NFKB2: variants seen among roughly 807,000 people sequenced by gnomAD.
The protein encoded by NFKB2 is nuclear factor NF-kappa-B p100 subunit.
In NFKB2, 21 loss-of-function variants were observed where a neutral mutation model predicts 109.3. The observed-to-expected ratio is 0.19, with a 90% confidence interval of 0.14 to 0.28. The LOEUF (loss-of-function observed/expected upper bound fraction) is 0.28. NFKB2 is among the 10% of genes least tolerant of loss of function. The probability of loss-of-function intolerance (pLI) is 1.00; values close to 1 mark genes in which losing one functional copy is unlikely to be tolerated. For synonymous variants in NFKB2, 478 were observed against 489.9 expected (o/e 0.98, Z 0.32); for missense variants, 806 against 1,185.3 (o/e 0.68, Z 4.70).
In NFKB2 at chr10:102,400,613, C is replaced by T. The variant is rs1447761077; in HGVS notation, c.1799-42C>T. ...TGGTCAGGGCTGGTCCAGGGGCTGC[C>T]TTAAGGGTCACAGCTGCAGGTTGAG... On this transcript the variant is annotated intron_variant, in intron 16 of 22. Coordinates refer to ENST00000661543, the MANE Select transcript of NFKB2 (RefSeq NM_001322934.2). This position sits in a 1 kb window ranked among gnomAD's most constrained non-coding sequence, Gnocchi z 6.3. 1.9e-6 allele frequency: 3 copies of T among 1,608,982 alleles called. No individual in the cohort carries two copies. The highest frequency in any genetic ancestry group is 1.7e-6 in the Non-Finnish European group (2 of 1,176,698).
rs1162745087 is a variant in NFKB2, at chr10:102,397,082, A to T, written c.395+27A>T. 5 of 1,598,706 alleles carry T rather than the reference A, an allele frequency of 3.1e-6. No homozygotes were observed. The highest frequency in any genetic ancestry group is 1.8e-4 in the Middle Eastern group (1 of 5,410). On this transcript the variant is annotated intron_variant, in intron 6 of 22. Transcript: ENST00000661543. The surrounding 1 kb of genome is among the most constrained non-coding windows in gnomAD (Gnocchi z 4.7). The stretch of plus-strand genomic sequence containing the variant: ...TAGGTGCCCTCTACGCCTGGCCCCC[A>T]CTGGTATGCCCGTCTGCCAGTCCCA...
In NFKB2 at chr10:102,397,535, C is replaced by G; in HGVS notation, c.511C>G (p.Gln171Glu). Residue 171 changes from glutamine (Q) to glutamate (E), a missense_variant, in exon 8 of 23, where the codon CAG (glutamine) becomes GAG (glutamate). Around this residue, in one of 10 missense-constraint regions of NFKB2, gnomAD observed 62 missense variants for 102.2 expected, o/e 0.61. Coordinates refer to ENST00000661543, the MANE Select transcript of NFKB2 (RefSeq NM_001322934.2). This position sits in a 1 kb window ranked among gnomAD's most constrained non-coding sequence, Gnocchi z 4.7. ...ATGTACCTACTGCCCAGAGGCCGAGCAGCGGGAGCTGGAGCAAGAGGCCAA... is the reference window on the plus strand; with the variant it reads ...ATGTACCTACTGCCCAGAGGCCGAGGAGCGGGAGCTGGAGCAAGAGGCCAA... ...SRPQGLTEAE[Q>E]RELEQEAKEL... The G allele has an allele frequency of 6.2e-7, 1 of 1,612,856 alleles. No homozygotes were observed. Among genetic ancestry groups the G allele is most frequent in the Non-Finnish European group, 8.5e-7 (1 of 1,179,110 alleles).
chr10:102,402,512 C>T lies in NFKB2; in HGVS notation c.*136C>T. The T allele has an allele frequency of 1.7e-6, 1 of 586,022 alleles. No homozygotes were observed. Among genetic ancestry groups the T allele is most frequent in the Non-Finnish European group, 2.9e-6 (1 of 339,040 alleles). The allele number at this position is 586,022 out of a possible 1,614,324, so 36.3% of individuals were successfully genotyped here. On this transcript the variant is annotated 3_prime_UTR_variant, in exon 23 of 23. Transcript: ENST00000661543. The stretch of plus-strand genomic sequence containing the variant: ...TTCTCATGGGAAGGGGAGGACCCCT[C>T]CTTCCCAACTTATGGCAGCCCCTGA...
intron 12 of NFKB2, 134 bp from the exon 13 acceptor site, chr10:102,399,154 G>T: frequency 1.1e-6 from 1 of 901,946 alleles, no homozygotes; most frequent in Non-Finnish European, 1.7e-6. Context: ...ACAAGAGGTT[G>T]CAGTAAGCTG....
chr10:102,397,012 G>T lies in NFKB2; in HGVS notation c.352G>T (p.Gly118Trp). 6.2e-7 allele frequency: 1 copy of T among 1,613,634 alleles called. No homozygotes were observed. The highest frequency in any genetic ancestry group is 8.5e-7 in the Non-Finnish European group (1 of 1,179,766). Residue 118 changes from glycine (G) to tryptophan (W), a missense_variant, in exon 6 of 23, where the codon GGG becomes TGG. Physicochemically the swap from Gly to Trp is radical, Grantham distance 184 (BLOSUM62 -2). Coordinates refer to ENST00000661543, the MANE Select transcript of NFKB2 (RefSeq NM_001322934.2). This position sits in a 1 kb window ranked among gnomAD's most constrained non-coding sequence, Gnocchi z 4.7. ...GGTGGGCAAGCAATGCTCGGAGCTG[G>T]GGATCTGCGCCGTTTCTGTGGGGCC... is the stretch of plus-strand genomic sequence containing the variant. ...SLVGKQCSEL[G>W]ICAVSVGPKD...
In NFKB2 at chr10:102,396,207, G is replaced by A. The variant is rs754745715; in HGVS notation, c.22-46G>A. The A allele has an allele frequency of 1.3e-5, 20 of 1,575,398 alleles. No homozygotes were observed. Among genetic ancestry groups the A allele is most frequent in the Non-Finnish European group, 1.7e-5 (19 of 1,150,218 alleles). ...TTGGAGATGGGAGGTGGGGCTGTGGGGGGTGCTGAGAGTCGGATGCCACCC... is the reference window on the plus strand; with the variant it reads ...TTGGAGATGGGAGGTGGGGCTGTGGAGGGTGCTGAGAGTCGGATGCCACCC... On this transcript the variant is annotated intron_variant, in intron 2 of 22. Coordinates refer to ENST00000661543, the MANE Select transcript of NFKB2 (RefSeq NM_001322934.2). This position sits in a 1 kb window ranked among gnomAD's most constrained non-coding sequence, Gnocchi z 5.9.
chr10:102,399,900 A>G, intron 14 of NFKB2, 180 bp from the exon 15 acceptor site: 1 of 1,079,478 alleles, frequency 9.3e-7, no homozygotes, highest in Admixed American at 2.6e-5. Context: ...CAAGGGGTAC[A>G]GTCATAGCAC....
chr10:102,400,550 C>T lies in NFKB2; in HGVS notation c.1798+59C>T. 6.3e-7 allele frequency: 1 copy of T among 1,588,070 alleles called. No individual in the cohort carries two copies. The highest frequency in any genetic ancestry group is 1.1e-5 in the South Asian group (1 of 88,544). On this transcript the variant is annotated intron_variant, in intron 16 of 22. Transcript: ENST00000661543. This position sits in a 1 kb window ranked among gnomAD's most constrained non-coding sequence, Gnocchi z 6.3. Reference sequence around the variant, plus strand: ...GGCGGGGACCAGGGAGGGTATCTGGCCAGTGCCCAGAATGGACTATGAGGT... The same window carrying T: ...GGCGGGGACCAGGGAGGGTATCTGGTCAGTGCCCAGAATGGACTATGAGGT...
Position 102,395,939 on chromosome 10 carries a change from A to G in NFKB2, c.-21A>G, listed in dbSNP as rs1223443575. On this transcript the variant is annotated 5_prime_UTR_variant, in exon 2 of 23. Transcript: ENST00000661543. ...GAACCTGGCCGGAGCCACTAGACAG[A>G]GCCGGGCCTAGCCCAGAGACATGGA... The G allele has an allele frequency of 1.9e-6, 3 of 1,612,340 alleles. No individual in the cohort carries two copies. Among genetic ancestry groups the G allele is most frequent in the East Asian group, 2.2e-5 (1 of 44,838 alleles).
At chr10:102,399,988 G>A in intron 14 of NFKB2, 92 bp from the exon 15 acceptor site, 1 of 1,323,958 alleles carries the variant, frequency 7.6e-7, no homozygotes, top group South Asian at 1.2e-5. Context: ...GGTTCCATGG[G>A]CCCCAGCGAG....
chr10:102,397,423 G>A lies in NFKB2; in HGVS notation c.502+15G>A, dbSNP rs780568824. Reference sequence around the variant, plus strand: ...GGGCCTTACGGGTATGGGTGCAGGGGGTGGGTCGGGTATGGGTGCAGGGGG... The same window carrying A: ...GGGCCTTACGGGTATGGGTGCAGGGAGTGGGTCGGGTATGGGTGCAGGGGG... On this transcript the variant is annotated intron_variant, in intron 7 of 22. Transcript: ENST00000661543. The surrounding 1 kb of genome is among the most constrained non-coding windows in gnomAD (Gnocchi z 4.7). The A allele has an allele frequency of 6.2e-7, 1 of 1,606,806 alleles. No homozygotes were observed. Among genetic ancestry groups the A allele is most frequent in the Admixed American group, 1.7e-5 (1 of 59,790 alleles).
Position 102,400,262 on chromosome 10 carries a change from CT to C in NFKB2, c.1585-15del. On this transcript the variant is annotated splice_polypyrimidine_tract_variant and intron_variant, in intron 15 of 22. Transcript: ENST00000661543. This position sits in a 1 kb window ranked among gnomAD's most constrained non-coding sequence, Gnocchi z 6.3. ...AAGTGGGTCTCGGGCCTGGCTCACC[CT>C]GCTTTCATCCCCAGACGCCCCTGCA... The C allele has an allele frequency of 6.2e-7, 1 of 1,614,046 alleles. No individual in the cohort carries two copies. The highest frequency in any genetic ancestry group is 8.5e-7 in the Non-Finnish European group (1 of 1,180,010).
Position 102,395,946 on chromosome 10 carries a change from C to T in NFKB2, c.-14C>T. The T allele has an allele frequency of 6.2e-7, 1 of 1,612,720 alleles. No individual in the cohort carries two copies. Among genetic ancestry groups the T allele is most frequent in the Non-Finnish European group, 8.5e-7 (1 of 1,179,972 alleles). ...GCCGGAGCCACTAGACAGAGCCGGG[C>T]CTAGCCCAGAGACATGGAGAGTTGC... is the stretch of plus-strand genomic sequence containing the variant. On this transcript the variant is annotated 5_prime_UTR_variant, in exon 2 of 23. Transcript: ENST00000661543.
rs924291331 is a variant in NFKB2, at chr10:102,401,344, C to T, written c.2223+13C>T. ...TTGCAGCACCAAGGTGAGGCCAGCC[C>T]GGGACTAGAAGTGCTCTGAGTGACG... is the stretch of plus-strand genomic sequence containing the variant. On this transcript the variant is annotated intron_variant, in intron 19 of 22. Coordinates refer to ENST00000661543, the MANE Select transcript of NFKB2 (RefSeq NM_001322934.2). This position sits in a 1 kb window ranked among gnomAD's most constrained non-coding sequence, Gnocchi z 4.2. 26 of 1,606,066 alleles carry T rather than the reference C, an allele frequency of 1.6e-5. No homozygotes were observed. Among genetic ancestry groups the T allele is most frequent in the South Asian group, 2.2e-5 (2 of 90,356 alleles).
At position 102,398,348 on chromosome 10, in the gene NFKB2, G is replaced by A; in HGVS notation, c.853-37G>A. On this transcript the variant is annotated intron_variant, in intron 10 of 22. Transcript: ENST00000661543. This position sits in a 1 kb window ranked among gnomAD's most constrained non-coding sequence, Gnocchi z 6.6. ...GGGCTGGGGGCTAAATTAGGCTAAG[G>A]ACTCACTGACACCCTGTGTCTCCCT... is the stretch of plus-strand genomic sequence containing the variant. The A allele has an allele frequency of 6.2e-7, 1 of 1,614,032 alleles. No individual in the cohort carries two copies. The highest frequency in any genetic ancestry group is 1.1e-5 in the South Asian group (1 of 91,078).
intron 14 of NFKB2, 109 bp from the exon 15 acceptor site, chr10:102,399,971 C>T: frequency 8.3e-7 from 1 of 1,211,158 alleles, no homozygotes; most frequent in East Asian, 2.5e-5. Context: ...CCCTGGGCCA[C>T]GTGCTGGGTT....
In NFKB2 at chr10:102,399,313, C is replaced by A; in HGVS notation, c.1143C>A (p.Ser381=). ...GGGGSLGFFP[S]SLAYSPYQSG... is the part of the protein sequence containing the mutation. ...GTGGCAGCCTCGGTTTCTTCCCCTCCTCCCTGGCCTACAGCCCCTACCAGT... is the reference window on the plus strand; with the variant it reads ...GTGGCAGCCTCGGTTTCTTCCCCTCATCCCTGGCCTACAGCCCCTACCAGT... The change falls in exon 13 of 23, where the codon TCC becomes TCA. Residue 381 remains serine (S), a synonymous_variant. Coordinates refer to ENST00000661543, the MANE Select transcript of NFKB2 (RefSeq NM_001322934.2). 6.3e-7 allele frequency: 1 copy of A among 1,598,202 alleles called. No individual in the cohort carries two copies. Among genetic ancestry groups the A allele is most frequent in the Non-Finnish European group, 8.5e-7 (1 of 1,173,022 alleles).
In NFKB2 at chr10:102,402,443, A is replaced by C; in HGVS notation, c.*67A>C. ...AGCGTCCCCACCTATTTCAAATCTT[A>C]TTTAACACCCCACACCCACCCCTCA... On this transcript the variant is annotated 3_prime_UTR_variant, in exon 23 of 23. Transcript: ENST00000661543. The C allele has an allele frequency of 1.1e-6, 1 of 909,684 alleles. No homozygotes were observed. Among genetic ancestry groups the C allele is most frequent in the Non-Finnish European group, 1.7e-6 (1 of 597,534 alleles). 56.4% of individuals were successfully genotyped at this position (909,684 alleles called of 1,614,324 possible).
intron 1 of NFKB2, 29 bp downstream of exon 1, chr10:102,395,825 C>CCACA: frequency 2.5e-6 from 1 of 400,008 alleles, no homozygotes; most frequent in East Asian, 3.6e-5. Flanking sequence ...TCTGGGCCCC[C>CCACA]ATCTCCCGCC....
Sources: gnomAD v4.1 joint callset for allele counts on GRCh38, gnomAD v4.1.1 for gene constraint, gnomAD v4.1.1 regional missense constraint, Gnocchi (gnomAD v3.1) non-coding constraint, MANE v1.5 for transcripts, NCBI Gene and HGNC (gene_info 2026-07-23, HGNC 2026-07-21) for gene names.